Variants in UBE2J1 observed in about 807,000 individuals in gnomAD.
UBE2J1 encodes ubiquitin-conjugating enzyme E2 J1.
UBE2J1 carries 17 observed loss-of-function variants against 42.1 expected under a neutral mutation model. The observed-to-expected ratio is 0.40, with a 90% CI of 0.28 to 0.61. The LOEUF (loss-of-function observed/expected upper bound fraction) is 0.61, where lower values mean the gene tolerates loss of function less well. Ranked by LOEUF, UBE2J1 falls within the 20% of genes least tolerant of loss-of-function variation. UBE2J1 has a pLI of 0.38. For missense variants in UBE2J1, 291 were observed against 389.4 expected (o/e 0.75, Z 2.13); for synonymous variants, 127 against 137.2 (o/e 0.93, Z 0.52).
intron 6 of UBE2J1, among the ~76,000 whole-genome samples, chr6:89,334,463 TTTTC>T (rs1768071270): frequency 6.6e-6 from 1 of 151,480 alleles, no homozygotes; most frequent in South Asian, 2.1e-4. Context: ...GTCATTTTCT[TTTTC>T]TTTTTTCTTT....
At chr6:89,345,855 T>G (rs1473833956) in intron 1 of UBE2J1, among the ~76,000 whole-genome samples, 3 of 150,754 alleles carry the variant, frequency 2.0e-5, no homozygotes, top group Non-Finnish European at 3.0e-5. Flanking sequence ...TGCAGTGAGC[T>G]GAGATCGTGC....
At position 89,342,455 on chromosome 6, in the gene UBE2J1, C is replaced by A; in HGVS notation, c.106G>T (p.Asp36Tyr). 9 of 1,592,870 alleles carry A rather than the reference C, an allele frequency of 5.7e-6. No individual in the cohort carries two copies. The highest frequency in any genetic ancestry group is 1.1e-5 in the South Asian group (1 of 87,134). ...GTGAAGTGCCATTCAAAAAGGTTAT[C>A]CTGAACAAAAACAATAATCCACAAG... ...TDHYHAQPLEDNLFEWHFTVR... is the reference protein window; with the variant it reads ...TDHYHAQPLEYNLFEWHFTVR... Residue 36 changes from aspartate (D) to tyrosine (Y), a missense_variant and splice_region_variant, in exon 3 of 8, where the codon GAT becomes TAT. Asp to Tyr is a radical substitution (Grantham distance 160). This residue lies in a region of UBE2J1 where 115 missense variants were observed against 193.1 expected (regional missense o/e 0.60). Transcript: ENST00000435041.
chr6:89,343,696 G>A lies in UBE2J1; in HGVS notation c.92C>T (p.Ala31Val), dbSNP rs751592887. 1.2e-5 allele frequency: 20 copies of A among 1,606,574 alleles called. No individual in the cohort carries two copies. The highest frequency in any genetic ancestry group is 6.7e-5 in the East Asian group (3 of 44,644). ...ELKDPTDHYH[A>V]QPLEDNLFEW... ...ATAGAAACTAACCTCTAAAGGCTGCGCATGGTAATGATCTGTTGGATCTTT... is the reference window on the plus strand; with the variant it reads ...ATAGAAACTAACCTCTAAAGGCTGCACATGGTAATGATCTGTTGGATCTTT... The change falls in exon 2 of 8, where the codon GCG (alanine) becomes GTG (valine). Residue 31 changes from alanine (A) to valine (V), a missense_variant. Ala to Val is a moderately conservative substitution (Grantham distance 64). Around this residue, in one of 2 missense-constraint regions of UBE2J1, gnomAD observed 115 missense variants for 193.1 expected, o/e 0.60. Transcript: ENST00000435041.
intron 1 of UBE2J1, among the ~76,000 whole-genome samples, chr6:89,349,209 G>A (rs535824634): frequency 6.6e-6 from 1 of 152,060 alleles, no homozygotes; most frequent in Non-Finnish European, 1.5e-5. Context: ...TGCACTCCAG[G>A]CTGGGAGACC....
At position 89,338,272 on chromosome 6, in the gene UBE2J1, T is replaced by C. The variant is rs781768933; in HGVS notation, c.361A>G (p.Thr121Ala). 1.2e-6 allele frequency: 2 copies of C among 1,613,690 alleles called. No homozygotes were observed. Among genetic ancestry groups the C allele is most frequent in the East Asian group, 4.5e-5 (2 of 44,848 alleles). Residue 121 changes from threonine to alanine, a missense_variant, in exon 5 of 8, where the codon ACA becomes GCA. Thr to Ala is a moderately conservative substitution (Grantham distance 58). This residue lies in a region of UBE2J1 where 115 missense variants were observed against 193.1 expected (regional missense o/e 0.60). Coordinates refer to ENST00000435041, the MANE Select transcript of UBE2J1 (RefSeq NM_016021.3). Reference protein sequence around the residue: ...ALLAIIGFMPTKGEGAIGSLD... With the variant: ...ALLAIIGFMPAKGEGAIGSLD... ...GAACCTATGGCTCCCTCTCCTTTTG[T>C]TGGCATAAACCCAATGATGGCTAAT...
At position 89,329,422 on chromosome 6, in the gene UBE2J1, G is replaced by A; in HGVS notation, c.*257C>T. On this transcript the variant is annotated 3_prime_UTR_variant, in exon 8 of 8. Coordinates refer to ENST00000435041, the MANE Select transcript of UBE2J1 (RefSeq NM_016021.3). ...TACATAAAAAGAAGATGAAACATGA[G>A]AAAAAACAAGTTATTTCCCTGCAAA... 4.5e-6 allele frequency: 2 copies of A among 444,352 alleles called. No homozygotes were observed. Among genetic ancestry groups the A allele is most frequent in the Non-Finnish European group, 4.0e-6 (1 of 251,254 alleles). The allele number at this position is 444,352 out of a possible 1,614,324, so 27.5% of individuals were successfully genotyped here.
At chr6:89,337,549 G>A (rs1217443442) in intron 5 of UBE2J1, among the ~76,000 whole-genome samples, 1 of 152,014 alleles carries the variant, frequency 6.6e-6, no homozygotes, top group Non-Finnish European at 1.5e-5. Flanking sequence ...ATGTCTGAAG[G>A]GTGGTAGGCA....
intron 1 of UBE2J1, among the ~76,000 whole-genome samples, chr6:89,348,432 T>G (rs1768404215): frequency 6.6e-6 from 1 of 152,222 alleles, no homozygotes; most frequent in South Asian, 2.1e-4. Context: ...TATGGATTCC[T>G]CTTCAAAAGC....
intron 6 of UBE2J1, among the ~76,000 whole-genome samples, chr6:89,334,060 G>A (rs1317136612): frequency 2.6e-5 from 4 of 151,932 alleles, no homozygotes; most frequent in Non-Finnish European, 4.4e-5. Context: ...CTGGAGTGCA[G>A]AGGCACAATC....
intron 5 of UBE2J1, 98 bp from the exon 6 acceptor site, chr6:89,335,529 A>C: frequency 1.1e-6 from 1 of 882,300 alleles, no homozygotes; most frequent in Non-Finnish European, 1.6e-6. Context: ...CTTAAAAGAA[A>C]GGAACACTGG....
intron 1 of UBE2J1, among the ~76,000 whole-genome samples, chr6:89,351,384 G>C (rs906291330): frequency 2.0e-5 from 3 of 151,964 alleles, no homozygotes; most frequent in Non-Finnish European, 4.4e-5. Context: ...TTTTTTTAAG[G>C]AGTCAGTGGC....
At chr6:89,342,242 A>G (rs1475427229) in intron 3 of UBE2J1, 82 bp downstream of exon 3, 8 of 1,494,198 alleles carry the variant, frequency 5.4e-6, no homozygotes, top group Non-Finnish European at 5.5e-6. Context: ...ATTATTTCTT[A>G]ATGAAAATGA....
chr6:89,330,745 A>G (rs1767994159), intron 7 of UBE2J1, among the ~76,000 whole-genome samples: 1 of 152,150 alleles, frequency 6.6e-6, no homozygotes, highest in Admixed American at 6.5e-5. Flanking sequence ...TCGGTGAGCT[A>G]TGATCACATG....
In UBE2J1 at chr6:89,326,884, GT is replaced by G. The variant is rs1767921217; in HGVS notation, c.*2794del. On this transcript the variant is annotated 3_prime_UTR_variant, in exon 8 of 8. Coordinates refer to ENST00000435041, the MANE Select transcript of UBE2J1 (RefSeq NM_016021.3). ...TGTTCAAATGAGTCCAAATGTGTGAGTGAGGTTTACCTGTTTTCTGATTCTG... is the reference window on the plus strand; with the variant it reads ...TGTTCAAATGAGTCCAAATGTGTGAGGAGGTTTACCTGTTTTCTGATTCTG... 1 of 152,306 alleles carries G rather than the reference GT, an allele frequency of 6.6e-6. No homozygotes were observed. The highest frequency in any genetic ancestry group is 1.5e-5 in the Non-Finnish European group (1 of 68,026). The allele number at this position is 152,306 out of a possible 1,614,324, so 9.4% of individuals were successfully genotyped here.
At chr6:89,350,184 T>G (rs971351679) in intron 1 of UBE2J1, among the ~76,000 whole-genome samples, 1 of 152,166 alleles carries the variant, frequency 6.6e-6, no homozygotes, top group African/African-American at 2.4e-5. Context: ...ATGAAAAAAT[T>G]TACTATATCC....
chr6:89,349,585 A>T (rs1768428246), intron 1 of UBE2J1, among the ~76,000 whole-genome samples: 1 of 152,172 alleles, frequency 6.6e-6, no homozygotes, highest in South Asian at 2.1e-4. Flanking sequence ...CTGCAAGTTT[A>T]GGGGAGGAGA....
intron 5 of UBE2J1, 135 bp downstream of exon 5, chr6:89,338,070 G>T: frequency 1.7e-6 from 1 of 572,768 alleles, no homozygotes; most frequent in Non-Finnish European, 3.0e-6. Flanking sequence ...TCCTAAAAGA[G>T]CAAAACTGAG....
At chr6:89,333,887 G>A (rs1361223612) in intron 6 of UBE2J1, among the ~76,000 whole-genome samples, 1 of 152,212 alleles carries the variant, frequency 6.6e-6, no homozygotes, top group Non-Finnish European at 1.5e-5. Flanking sequence ...GAAGTGGAGA[G>A]GGAAGAGGAA....
intron 7 of UBE2J1, among the ~76,000 whole-genome samples, chr6:89,330,360 A>G (rs1429324997): frequency 6.6e-6 from 1 of 151,964 alleles, no homozygotes; most frequent in Non-Finnish European, 1.5e-5. Context: ...TACATTGCCC[A>G]GGCTGGTCTT....
Sources: allele counts gnomAD v4.1 joint callset (sites outside exome capture counted in the v4.1 genomes callset), GRCh38; gene constraint gnomAD v4.1.1; regional missense constraint gnomAD v4.1.1; transcripts MANE v1.5; gene names NCBI Gene and HGNC (gene_info 2026-07-23, HGNC 2026-07-21).